The following ANTXRL variants were observed in gnomAD, a reference collection of about 807,000 sequenced individuals.
The protein encoded by ANTXRL is ANTXR like, also known as anthrax toxin receptor-like.
ANTXRL carries 63 observed loss-of-function variants against 75.4 expected under a neutral mutation model. The observed-to-expected ratio is 0.84, with a 90% CI of 0.68 to 1.03. The LOEUF is 1.03. Among genes scored for constraint, ANTXRL ranks in the 50% least tolerant of loss-of-function variants. ANTXRL has a pLI of 0.00. For synonymous variants in ANTXRL, 335 were observed against 291.3 expected, an observed-to-expected ratio of 1.15 and a Z score of -1.53; for missense variants, 797 against 789.4, an observed-to-expected ratio of 1.01 and a Z score of -0.12.
In ANTXRL at chr10:46,311,648, G is replaced by A. The variant is rs544195689; in HGVS notation, c.1312G>A (p.Gly438Arg). The stretch of plus-strand genomic sequence containing the variant: ...TTGCTGTGGATGCCAAGGAGTGGGC[G>A]GGATGAGAAGGATAGAGGTGAGAAG... ...ICCCGCQGVGGMRRIEGNLDT... is the reference protein window; with the variant it reads ...ICCCGCQGVGRMRRIEGNLDT... Residue 438 changes from glycine (G) to arginine (R), a missense_variant, in exon 15 of 17, where the codon GGG (glycine) becomes AGG (arginine). By Grantham distance (125) the Gly-to-Arg change is moderately radical (BLOSUM62 -2). Around this residue, in one of 3 missense-constraint regions of ANTXRL, gnomAD observed 479 missense variants for 422.0 expected, o/e 1.14. Coordinates refer to ENST00000620264, the MANE Select transcript of ANTXRL (RefSeq NM_001278688.3). 6.5e-5 allele frequency: 73 copies of A among 1,130,364 alleles called. No homozygotes were observed. Among genetic ancestry groups the A allele is most frequent in the African/African-American group, 1.2e-4 (8 of 64,964 alleles). 70.0% of individuals were successfully genotyped at this position (1,130,364 alleles called of 1,614,324 possible).
chr10:46,293,796 C>G, intron 2 of ANTXRL, 33 bp from the exon 3 acceptor site: 4 of 1,528,822 alleles, frequency 2.6e-6, no homozygotes, highest in Non-Finnish European at 3.5e-6. Flanking sequence ...GCCTGTGCCA[C>G]TGGCTTCTCA....
At chr10:46,299,006 ACT>A in intron 9 of ANTXRL, among the ~76,000 whole-genome samples, 1 of 152,010 alleles carries the variant, frequency 6.6e-6, no homozygotes, top group Middle Eastern at 3.4e-3. Context: ...GGTAAGTTTA[ACT>A]CTAAAGCAAG....
upstream of ANTXRL, among the ~76,000 whole-genome samples, chr10:46,286,781 ATGTCCTCACCTAACTCACC>A (rs1836783891): frequency 6.6e-6 from 1 of 152,106 alleles, no homozygotes; most frequent in African/African-American, 2.4e-5. Flanking sequence ...ACCCACAGCA[ATGTCCTCACCTAACTCACC>A]TGGGCTAACT....
chr10:46,300,784 A>G (rs2132718799), intron 9 of ANTXRL, among the ~76,000 whole-genome samples: 1 of 152,160 alleles, frequency 6.6e-6, no homozygotes, highest in African/African-American at 2.4e-5. Context: ...GTCACTTGTC[A>G]CCCAGGGTGT....
intron 11 of ANTXRL, 82 bp downstream of exon 11, chr10:46,306,954 G>GCC: frequency 8.6e-7 from 1 of 1,160,514 alleles, no homozygotes; most frequent in African/African-American, 1.6e-5. Context: ...AAATGTGGAT[G>GCC]CCCCCCACCC....
chr10:46,329,747 G>A lies in ANTXRL; in HGVS notation c.1559G>A (p.Cys520Tyr). ...PRMCLRHSRE[C>Y]LALKQARCSP... is the part of the protein sequence containing the mutation. ...ATGTGCCTGAGACACAGCCGGGAGT[G>A]CCTCGCCCTCAAACAGGCTCGCTGC... Residue 520 changes from cysteine (C) to tyrosine (Y), a missense_variant, in exon 17 of 17, where the codon TGC (cysteine) becomes TAC (tyrosine). Around this residue, in one of 3 missense-constraint regions of ANTXRL, gnomAD observed 479 missense variants for 422.0 expected, o/e 1.14. Coordinates refer to ENST00000620264, the MANE Select transcript of ANTXRL (RefSeq NM_001278688.3). The A allele has an allele frequency of 2.0e-6, 3 of 1,534,596 alleles. No individual in the cohort carries two copies. The highest frequency in any genetic ancestry group is 2.6e-6 in the Non-Finnish European group (3 of 1,146,602).
In ANTXRL at chr10:46,307,996, G is replaced by C. The variant is rs1408615486; in HGVS notation, c.1044+516G>C. Among the ~76,000 whole-genome samples, 37 of 152,166 alleles carry C rather than the reference G, an allele frequency of 2.4e-4. 1 individual carries two copies. The highest frequency in any genetic ancestry group is 8.0e-4 in the African/African-American group (33 of 41,424). On this transcript the variant is annotated intron_variant, in intron 12 of 16. Transcript: ENST00000620264. Reference sequence around the variant, plus strand: ...CACTCGGACCCGAGCTCAGCTCCAAGAGGCCCCTGGGAATGGAGATGCTGT... The same window carrying C: ...CACTCGGACCCGAGCTCAGCTCCAACAGGCCCCTGGGAATGGAGATGCTGT...
At chr10:46,311,787 C>A in intron 15 of ANTXRL, 122 bp downstream of exon 15, 1 of 568,246 alleles carries the variant, frequency 1.8e-6, no homozygotes. Flanking sequence ...AGGGGCTGGA[C>A]TTTGGACACT....
intron 9 of ANTXRL, among the ~76,000 whole-genome samples, chr10:46,301,091 A>G (rs1173487824): frequency 6.6e-6 from 1 of 151,898 alleles, no homozygotes; most frequent in Non-Finnish European, 1.5e-5. Flanking sequence ...TATCCTGTCC[A>G]TGGAGCTTTG....
rs555904597 is a variant in ANTXRL, at chr10:46,309,078, C to T, written c.1045-35C>T. ...GTGGTGGGCACGGGGAAGAGGCCACCGAGGCCCTCCTATGGTGCTCTCTTT... is the reference window on the plus strand; with the variant it reads ...GTGGTGGGCACGGGGAAGAGGCCACTGAGGCCCTCCTATGGTGCTCTCTTT... On this transcript the variant is annotated intron_variant, in intron 12 of 16. Transcript: ENST00000620264. 195 of 1,535,390 alleles carry T rather than the reference C, an allele frequency of 1.3e-4. 1 individual carries two copies. In the South Asian group the frequency reaches 1.9e-3, roughly 15 times the overall value.
chr10:46,308,987 C>T, intron 12 of ANTXRL, 126 bp from the exon 13 acceptor site: 1 of 1,343,058 alleles, frequency 7.4e-7, no homozygotes, highest in Middle Eastern at 2.0e-4. Flanking sequence ...TGGCCGCTGG[C>T]CCCACTGTAG....
intron 10 of ANTXRL, among the ~76,000 whole-genome samples, chr10:46,303,946 A>G (rs112621716): frequency 0.073 from 10,997 of 149,900 alleles, 309 homozygotes; most frequent in African/African-American, 0.13. Flanking sequence ...CCAGGGCCAT[A>G]TGGTAATCCC....
intron 12 of ANTXRL, chr10:46,308,458 C>G (rs782004154): frequency 3.8e-5 from 17 of 442,532 alleles, no homozygotes; most frequent in Non-Finnish European, 6.3e-5. Context: ...CCCTCTCCAG[C>G]CTTCTCTTAA....
chr10:46,302,222 G>C (rs1368629245), intron 9 of ANTXRL, among the ~76,000 whole-genome samples: 2 of 152,166 alleles, frequency 1.3e-5, no homozygotes, highest in Non-Finnish European at 2.9e-5. Context: ...CAGGCACACA[G>C]AAAGACAGGG....
rs187151050 is a variant in ANTXRL, at chr10:46,323,243, C to T, written c.1411-6356C>T. ...CTCATTTTGGGTGGTAATGGCATAT[C>T]CTGCCTGATATTTTCTTTTGAGTTT... On this transcript the variant is annotated intron_variant, in intron 16 of 16. Transcript: ENST00000620264. Among the ~76,000 whole-genome samples the T allele has an allele frequency of 3.3e-3, 496 of 152,210 alleles. 5 individuals are homozygous for T. Among genetic ancestry groups the T allele is most frequent in the Non-Finnish European group, 4.5e-3 (303 of 68,014 alleles).
At chr10:46,315,145 C>T (rs1224804164) in intron 16 of ANTXRL, among the ~76,000 whole-genome samples, 18 of 152,290 alleles carry the variant, frequency 1.2e-4, no homozygotes, top group African/African-American at 3.6e-4. Context: ...ACCTTCAGCC[C>T]GTTTCAGAGC....
Position 46,313,305 on chromosome 10 carries a change from A to C in ANTXRL, c.1399A>C (p.Ser467Arg), listed in dbSNP as rs1838538288. Residue 467 changes from serine (S) to arginine (R), a missense_variant, in exon 16 of 17, where the codon AGC becomes CGC. By Grantham distance (110) the Ser-to-Arg change is moderately radical. Coordinates refer to ENST00000620264, the MANE Select transcript of ANTXRL (RefSeq NM_001278688.3). ...CCAGGTGCCATGGATGTGTTGTCAG[A>C]GCAGGGACCAGGTGAGCTAGGGCAC... is the stretch of plus-strand genomic sequence containing the variant. ...CHQVPWMCCQ[S>R]RDQGRYLSLA... 9.1e-6 allele frequency: 14 copies of C among 1,535,914 alleles called. No homozygotes were observed. The highest frequency in any genetic ancestry group is 1.2e-5 in the Non-Finnish European group (14 of 1,146,726).
intron 16 of ANTXRL, among the ~76,000 whole-genome samples, chr10:46,317,963 C>T (rs189287377): frequency 1.3e-5 from 2 of 152,262 alleles, no homozygotes; most frequent in Admixed American, 1.3e-4. Flanking sequence ...CCACCTTACA[C>T]TTACCCCACA....
At chr10:46,312,740 C>T (rs1173661763) in intron 15 of ANTXRL, among the ~76,000 whole-genome samples, 5 of 149,146 alleles carry the variant, frequency 3.4e-5, no homozygotes, top group African/African-American at 7.4e-5. Flanking sequence ...AGGGGCTGCC[C>T]GCCGTGGGTC....
Sources: allele counts gnomAD v4.1 joint callset (sites outside exome capture counted in the v4.1 genomes callset), GRCh38; gene constraint gnomAD v4.1.1; regional missense constraint gnomAD v4.1.1; transcripts MANE v1.5; gene names NCBI Gene and HGNC (gene_info 2026-07-23, HGNC 2026-07-21).